The following RIMS1 variants were observed in gnomAD, a reference collection of about 807,000 sequenced individuals.
The protein encoded by RIMS1 is regulating synaptic membrane exocytosis protein 1.
A neutral mutation model predicts 214.1 loss-of-function variants in RIMS1; 83 were observed. That is an observed-to-expected ratio of 0.39 (90% CI 0.32 to 0.47). The LOEUF is 0.47. RIMS1 is among the 20% of genes least tolerant of loss of function. The probability of loss-of-function intolerance (pLI) is 0.99; values close to 1 mark genes in which losing one functional copy is unlikely to be tolerated. For missense variants in RIMS1, 2,050 were observed against 2,161.8 expected, an observed-to-expected ratio of 0.95 and a Z score of 1.03; for synonymous variants, 793 against 786.8, an observed-to-expected ratio of 1.01 and a Z score of -0.13.
At chr6:71,911,949 TGCTGAAA>T in intron 1 of RIMS1, among the ~76,000 whole-genome samples, 1 of 152,270 alleles carries the variant, frequency 6.6e-6, no homozygotes, top group Non-Finnish European at 1.5e-5. Context: ...ATGGTACTTG[TGCTGAAA>T]GGAGAAAATG....
intron 18 of RIMS1, 67 bp from the exon 19 acceptor site, chr6:72,260,638 A>T (rs1251240282): frequency 1.3e-6 from 2 of 1,588,558 alleles, no homozygotes; most frequent in Admixed American, 1.7e-5. Flanking sequence ...TTTCATTGGC[A>T]TACCATTGGC....
At chr6:72,324,231 T>C (rs2096336614) in intron 28 of RIMS1, among the ~76,000 whole-genome samples, 1 of 151,946 alleles carries the variant, frequency 6.6e-6, no homozygotes. Flanking sequence ...AACAACATCT[T>C]GTGGTAGTTA....
chr6:72,400,694 C>T lies in RIMS1; in HGVS notation c.5059C>T (p.Pro1687Ser). The change falls in exon 34 of 34, where the codon CCT (proline) becomes TCT (serine). Residue 1687 changes from proline (P) to serine (S), a missense_variant. By Grantham distance (74) the Pro-to-Ser change is moderately conservative. Transcript: ENST00000521978. ...SQSSLESSTG[P>S]PCIRS Reference sequence around the variant, plus strand: ...GTCATCTCTGGAAAGTTCAACTGGGCCTCCCTGTATTCGATCATAGTGAAC... The same window carrying T: ...GTCATCTCTGGAAAGTTCAACTGGGTCTCCCTGTATTCGATCATAGTGAAC... The T allele has an allele frequency of 6.2e-7, 1 of 1,613,000 alleles. No individual in the cohort carries two copies. Among genetic ancestry groups the T allele is most frequent in the African/African-American group, 1.3e-5 (1 of 75,026 alleles).
In RIMS1 at chr6:72,400,483, T is replaced by A; in HGVS notation, c.4861-13T>A. The A allele has an allele frequency of 6.2e-7, 1 of 1,609,694 alleles. No homozygotes were observed. The highest frequency in any genetic ancestry group is 8.5e-7 in the Non-Finnish European group (1 of 1,176,014). ...AGAAGTCCAGGTAATGTTGCATTTC[T>A]CTATCTCTGCAGGTGATTGTCTGGG... On this transcript the variant is annotated splice_polypyrimidine_tract_variant and intron_variant, in intron 33 of 33. Coordinates refer to ENST00000521978, the MANE Select transcript of RIMS1 (RefSeq NM_014989.7).
chr6:72,046,926 TA>T (rs1283675514), intron 2 of RIMS1, among the ~76,000 whole-genome samples: 4 of 152,106 alleles, frequency 2.6e-5, no homozygotes, highest in Admixed American at 2.6e-4. Flanking sequence ...TGTTTTGTAT[TA>T]AGGAAATAAA....
chr6:72,091,819 T>A (rs1395562022), intron 2 of RIMS1, among the ~76,000 whole-genome samples: 2 of 152,222 alleles, frequency 1.3e-5, no homozygotes, highest in Non-Finnish European at 2.9e-5. Flanking sequence ...AAATCTGTGA[T>A]TTGTGATCAT....
At chr6:71,994,284 A>T (rs1401909954) in intron 2 of RIMS1, among the ~76,000 whole-genome samples, 1 of 152,202 alleles carries the variant, frequency 6.6e-6, no homozygotes, top group Non-Finnish European at 1.5e-5. Context: ...ATTAGAAAAG[A>T]AGAGAAAATA....
At chr6:72,131,537 G>GTGTAC (rs1206953578) in intron 4 of RIMS1, among the ~76,000 whole-genome samples, 1 of 149,560 alleles carries the variant, frequency 6.7e-6, no homozygotes, top group Non-Finnish European at 1.5e-5. Context: ...AGGGGAGGGA[G>GTGTAC]TGTACCGATA....
intron 4 of RIMS1, among the ~76,000 whole-genome samples, chr6:72,163,603 G>A (rs1305954289): frequency 2.1e-5 from 3 of 140,692 alleles, no homozygotes; most frequent in Non-Finnish European, 4.8e-5. Context: ...CTTTTAGCAG[G>A]CAAGACCCTC....
At chr6:71,926,125 G>T (rs185054799) in intron 1 of RIMS1, among the ~76,000 whole-genome samples, 6 of 152,238 alleles carry the variant, frequency 3.9e-5, no homozygotes, top group Admixed American at 1.3e-4. Flanking sequence ...GAGTGCAGGG[G>T]TTTCACCATG....
intron 2 of RIMS1, among the ~76,000 whole-genome samples, chr6:72,072,030 C>G (rs1159192503): frequency 6.6e-6 from 1 of 152,116 alleles, no homozygotes; most frequent in African/African-American, 2.4e-5. Context: ...AAAAAATATA[C>G]TAATTATTGT....
At chr6:72,137,751 T>C (rs2041515471) in intron 4 of RIMS1, among the ~76,000 whole-genome samples, 5 of 149,310 alleles carry the variant, frequency 3.3e-5, no homozygotes, top group Admixed American at 2.7e-4. Context: ...TTTTTTTTTT[T>C]TTTGAGATGG....
intron 4 of RIMS1, among the ~76,000 whole-genome samples, chr6:72,116,601 A>G (rs2037124418): frequency 6.6e-6 from 1 of 152,000 alleles, no homozygotes; most frequent in Non-Finnish European, 1.5e-5. Flanking sequence ...TTTTCTGTAA[A>G]GGATGAGAGA....
rs2098709356 is a variant in RIMS1, at chr6:72,391,926, G to T, written c.4506-772G>T. ...TTAATCTCTTGGATTTATTTTCATG[G>T]TCTCTGGATGGGATTATAATCTGTG... On this transcript the variant is annotated intron_variant, in intron 30 of 33. Coordinates refer to ENST00000521978, the MANE Select transcript of RIMS1 (RefSeq NM_014989.7). Among the ~76,000 whole-genome samples the T allele has an allele frequency of 2.0e-5, 3 of 152,170 alleles. No individual in the cohort carries two copies. The South Asian group carries it at 6.2e-4, about 32-fold the overall frequency.
chr6:72,166,693 T>C (rs976178451), intron 4 of RIMS1, among the ~76,000 whole-genome samples: 2 of 143,720 alleles, frequency 1.4e-5, no homozygotes, highest in African/African-American at 2.6e-5. Context: ...TTAGGCAGCG[T>C]AATGAGATCC....
At chr6:72,373,083 C>CTAAG (rs1205748124) in intron 29 of RIMS1, among the ~76,000 whole-genome samples, 1 of 152,196 alleles carries the variant, frequency 6.6e-6, no homozygotes, top group African/African-American at 2.4e-5. Flanking sequence ...TAACCACAGG[C>CTAAG]TAAGGGTTTA....
At chr6:71,990,372 G>A (rs182579615) in intron 2 of RIMS1, among the ~76,000 whole-genome samples, 1 of 152,052 alleles carries the variant, frequency 6.6e-6, no homozygotes, top group Non-Finnish European at 1.5e-5. Flanking sequence ...TGCTCCAAGG[G>A]CATAATTTTA....
chr6:72,017,505 A>C (rs1057486906), intron 2 of RIMS1, among the ~76,000 whole-genome samples: 4 of 152,242 alleles, frequency 2.6e-5, no homozygotes, highest in African/African-American at 9.6e-5. Flanking sequence ...GATATTAAAA[A>C]TAAAGTAAGG....
intron 1 of RIMS1, 110 bp downstream of exon 1, chr6:71,887,297 C>A: frequency 7.0e-7 from 1 of 1,428,644 alleles, no homozygotes; most frequent in Non-Finnish European, 9.6e-7. Context: ...TGCCAGGGTG[C>A]TGGGTGCGGA....
Sources: gnomAD v4.1 joint callset for allele counts (sites outside exome capture counted in the v4.1 genomes callset) on GRCh38, gnomAD v4.1.1 for gene constraint, MANE v1.5 for transcripts, NCBI Gene and HGNC (gene_info 2026-07-23, HGNC 2026-07-21) for gene names.